RAPGEF2: variants seen among roughly 807,000 people sequenced by gnomAD.
RAPGEF2 encodes Rap guanine nucleotide exchange factor 2, also known as PDZ domain containing guanine nucleotide exchange factor (GEF) 1.
In RAPGEF2, 54 loss-of-function variants were observed where a neutral mutation model predicts 186.7. The ratio of observed to expected loss-of-function variants is 0.29; its 90% CI spans 0.23 to 0.36. The LOEUF (loss-of-function observed/expected upper bound fraction) is 0.36. Ranked by LOEUF, RAPGEF2 falls within the 10% of genes least tolerant of loss-of-function variation. RAPGEF2 has a pLI of 1.00. For missense variants in RAPGEF2, 1,532 were observed against 2,045.0 expected, an observed-to-expected ratio of 0.75 and a Z score of 4.84; for synonymous variants, 712 against 705.9, an observed-to-expected ratio of 1.01 and a Z score of -0.14.
intron 4 of RAPGEF2, among the ~76,000 whole-genome samples, chr4:159,223,461 T>A (rs1751726761): frequency 6.6e-6 from 1 of 152,232 alleles, no homozygotes; most frequent in Non-Finnish European, 1.5e-5. Context: ...TGCTATTAAT[T>A]AAACATTTTC....
chr4:159,297,387 T>C (rs1294500574), intron 7 of RAPGEF2, among the ~76,000 whole-genome samples: 1 of 152,182 alleles, frequency 6.6e-6, no homozygotes, highest in African/African-American at 2.4e-5. Flanking sequence ...GCATATTATT[T>C]TCGAGGCTTT....
intron 7 of RAPGEF2, chr4:159,268,252 C>T (rs375709304): frequency 7.5e-6 from 11 of 1,459,886 alleles, no homozygotes; most frequent in South Asian, 1.1e-5. Context: ...TTTGATAGCA[C>T]GTCATAGAGA....
intron 1 of RAPGEF2, among the ~76,000 whole-genome samples, chr4:159,134,105 C>T (rs1244867070): frequency 2.0e-5 from 3 of 152,128 alleles, no homozygotes; most frequent in Admixed American, 2.0e-4. Flanking sequence ...AGAAAAGGTC[C>T]CTTGTGCCTT....
intron 7 of RAPGEF2, among the ~76,000 whole-genome samples, chr4:159,287,774 A>G (rs1183145536): frequency 1.3e-5 from 2 of 152,148 alleles, no homozygotes; most frequent in African/African-American, 4.8e-5. Flanking sequence ...TCAAATTAAT[A>G]TTTTTCTGTG....
intron 8 of RAPGEF2, among the ~76,000 whole-genome samples, chr4:159,307,614 G>T (rs754127159): frequency 2.0e-5 from 3 of 152,170 alleles, no homozygotes; most frequent in Non-Finnish European, 4.4e-5. Context: ...AATTATCACT[G>T]TTCTCATCAA....
At position 159,312,156 on chromosome 4, in the gene RAPGEF2, T is replaced by C. The variant is rs566853237; in HGVS notation, c.676-2435T>C. On this transcript the variant is annotated intron_variant, in intron 8 of 29. Transcript: ENST00000691494. ...ATATATTCCATCTTTTTGCATACAT[T>C]AGATGTTTTAAAATTAAAGAAAAAC... Among the ~76,000 whole-genome samples, 61 of 152,270 alleles carry C rather than the reference T, an allele frequency of 4.0e-4. No individual in the cohort carries two copies. The South Asian group carries it at 0.011, about 26-fold the overall frequency.
At chr4:159,330,582 A>G in intron 13 of RAPGEF2, 84 bp downstream of exon 13, 1 of 999,218 alleles carries the variant, frequency 1.0e-6, no homozygotes, top group South Asian at 1.6e-5. Context: ...CACAGCAATT[A>G]TGTCCAGATT....
chr4:159,193,266 T>G lies in RAPGEF2; in HGVS notation c.197+10T>G. 3 of 1,471,862 alleles carry G rather than the reference T, an allele frequency of 2.0e-6. No individual in the cohort carries two copies. The highest frequency in any genetic ancestry group is 2.7e-6 in the Non-Finnish European group (3 of 1,111,544). 91.2% of individuals were successfully genotyped at this position (1,471,862 alleles called of 1,614,324 possible). A position where few individuals can be genotyped will look rare whatever the true frequency, so the allele number is the denominator to read the frequency against. On this transcript the variant is annotated intron_variant, in intron 3 of 29. Coordinates refer to ENST00000691494, the MANE Select transcript of RAPGEF2 (RefSeq NM_001394067.2). ...ATGAAGTTTTATACTAGTAGGTGTT[T>G]CCTTTTTGTTTGTACAATGTATCTA...
intron 24 of RAPGEF2, 25 bp downstream of exon 24, chr4:159,345,354 C>T (rs1475720091): frequency 1.2e-6 from 2 of 1,606,444 alleles, no homozygotes; most frequent in South Asian, 1.1e-5. Flanking sequence ...AAAGTGGCTG[C>T]AGACTTTGGC....
intron 7 of RAPGEF2, among the ~76,000 whole-genome samples, chr4:159,302,298 A>G (rs1387680376): frequency 6.6e-6 from 1 of 151,138 alleles, no homozygotes; most frequent in Non-Finnish European, 1.5e-5. Context: ...AATAAAATAT[A>G]AAAATTCATT....
At chr4:159,252,832 A>T (rs1368102935) in intron 7 of RAPGEF2, among the ~76,000 whole-genome samples, 1 of 152,230 alleles carries the variant, frequency 6.6e-6, no homozygotes, top group Non-Finnish European at 1.5e-5. Flanking sequence ...TTTGGCTCTA[A>T]TGAGCTTTTG....
intron 7 of RAPGEF2, among the ~76,000 whole-genome samples, chr4:159,277,660 G>A (rs1221618228): frequency 2.6e-5 from 4 of 152,110 alleles, no homozygotes; most frequent in African/African-American, 9.7e-5. Flanking sequence ...TTTGATTTGT[G>A]TTTCTCTGAT....
At chr4:159,273,698 C>A (rs373755563) in intron 7 of RAPGEF2, among the ~76,000 whole-genome samples, 1 of 107,408 alleles carries the variant, frequency 9.3e-6, no homozygotes, top group African/African-American at 3.5e-5. Flanking sequence ...TTCTTTCTTT[C>A]TTTCTCAATT....
intron 6 of RAPGEF2, 145 bp downstream of exon 6, chr4:159,241,513 T>G (rs1753998451): frequency 7.7e-6 from 2 of 259,060 alleles, no homozygotes; most frequent in African/African-American, 2.3e-5. Context: ...ATATTTATTT[T>G]TATTTGTTAT....
Position 159,343,048 on chromosome 4 carries a change from A to G in RAPGEF2, c.2988A>G (p.Lys996=). The G allele has an allele frequency of 6.2e-7, 1 of 1,614,070 alleles. No homozygotes were observed. The change falls in exon 21 of 30, where the codon AAA becomes AAG. Residue 996 remains lysine, a synonymous_variant. Coordinates refer to ENST00000691494, the MANE Select transcript of RAPGEF2 (RefSeq NM_001394067.2). Reference sequence around the variant, plus strand: ...AGAAACTTCCCAATAAATACGAAAAACTATTTCAAGATCTCCAAGACCTGT... The same window carrying G: ...AGAAACTTCCCAATAAATACGAAAAGCTATTTCAAGATCTCCAAGACCTGT... The part of the protein sequence containing the change: ...TWEKLPNKYE[K]LFQDLQDLFD...
At chr4:159,119,509 A>G (rs967933664) in intron 1 of RAPGEF2, among the ~76,000 whole-genome samples, 1 of 152,192 alleles carries the variant, frequency 6.6e-6, no homozygotes, top group African/African-American at 2.4e-5. Context: ...TATTTCTCCA[A>G]TTTACTTTGC....
chr4:159,300,903 T>C (rs1315668329), intron 7 of RAPGEF2, among the ~76,000 whole-genome samples: 1 of 152,196 alleles, frequency 6.6e-6, no homozygotes, highest in African/African-American at 2.4e-5. Context: ...TCTCAACCCC[T>C]ACATGGTTTG....
chr4:159,340,393 T>C (rs1197247699), intron 19 of RAPGEF2, among the ~76,000 whole-genome samples: 1 of 152,182 alleles, frequency 6.6e-6, no homozygotes, highest in Non-Finnish European at 1.5e-5. Flanking sequence ...TCCACTGAGC[T>C]ATAGATTCAT....
rs778302629 is a variant in RAPGEF2, at chr4:159,335,835, C to CAAA, written c.2136-2454_2136-2452dup. 9.7e-3 allele frequency among the ~76,000 whole-genome samples: 467 copies of CAAA among 48,078 alleles called. 11 individuals are homozygous for CAAA. The highest frequency in any genetic ancestry group is 0.018 in the African/African-American group (237 of 13,376). 31.5% of individuals were successfully genotyped at this position (48,078 alleles called of 152,430 possible). A position where few individuals can be genotyped will look rare whatever the true frequency, so the allele number is the denominator to read the frequency against. ...TGGGTGACAGAGGGAGACTCCGTCT[C>CAAA]AAAAAAAAAAAAAAAAAAAAAAAAG... is the stretch of plus-strand genomic sequence containing the variant. On this transcript the variant is annotated intron_variant, in intron 17 of 29. Transcript: ENST00000691494.
Sources: allele counts gnomAD v4.1 joint callset (sites outside exome capture counted in the v4.1 genomes callset), GRCh38; gene constraint gnomAD v4.1.1; transcripts MANE v1.5; gene names NCBI Gene and HGNC (gene_info 2026-07-23, HGNC 2026-07-21).